Variants in CCNT1 observed in about 807,000 individuals in gnomAD.
CCNT1 encodes the protein cyclin T1, also known as cyclin-T1.
CCNT1 carries 18 observed loss-of-function variants against 67.3 expected under a neutral mutation model. The observed-to-expected ratio is 0.27, with a 90% confidence interval of 0.18 to 0.40. The LOEUF (loss-of-function observed/expected upper bound fraction) is 0.40, where lower values mean the gene tolerates loss of function less well. Among genes scored for constraint, CCNT1 ranks in the 10% least tolerant of loss-of-function variants. The probability of loss-of-function intolerance (pLI) is 1.00; values close to 1 mark genes in which losing one functional copy is unlikely to be tolerated. For synonymous variants in CCNT1, 333 were observed against 310.3 expected, an observed-to-expected ratio of 1.07 and a Z score of -0.77; for missense variants, 744 against 884.9, an observed-to-expected ratio of 0.84 and a Z score of 2.02.
chr12:48,716,468 C>G (rs777898725), intron 1 of CCNT1, 47 bp downstream of exon 1: 12 of 1,535,156 alleles, frequency 7.8e-6, no homozygotes, highest in Non-Finnish European at 1.1e-5. Flanking sequence ...GACGCCAGAG[C>G]ATGGCGGGAC....
chr12:48,706,757 ATT>A (rs1940366920), intron 2 of CCNT1, among the ~76,000 whole-genome samples: 1 of 152,180 alleles, frequency 6.6e-6, no homozygotes, highest in Non-Finnish European at 1.5e-5. Flanking sequence ...TTAAATATAT[ATT>A]TCATTTTACT....
At chr12:48,716,377 T>C in intron 1 of CCNT1, 138 bp downstream of exon 1, 2 of 754,498 alleles carry the variant, frequency 2.7e-6, no homozygotes, top group Non-Finnish European at 2.1e-6. Flanking sequence ...GCCCGCCCCA[T>C]CGTGGGCTCT....
Position 48,695,637 on chromosome 12 carries a change from T to C in CCNT1, c.777+122A>G, listed in dbSNP as rs951259570. On this transcript the variant is annotated intron_variant, in intron 8 of 8. Transcript: ENST00000261900. The stretch of plus-strand genomic sequence containing the variant: ...CCAAGGTATGAAGTAGAAGTCATGA[T>C]TACTGTGTAACTATAAAAAGGGCAA... 65 of 656,034 alleles carry C rather than the reference T, an allele frequency of 9.9e-5. No individual in the cohort carries two copies. The Admixed American group carries it at 1.6e-3, about 16-fold the overall frequency. 40.6% of individuals were successfully genotyped at this position (656,034 alleles called of 1,614,324 possible).
At chr12:48,700,231 A>C (rs1480225613) in intron 4 of CCNT1, among the ~76,000 whole-genome samples, 1 of 150,878 alleles carries the variant, frequency 6.6e-6, no homozygotes, top group Non-Finnish European at 1.5e-5. Context: ...AGGCAGGAGA[A>C]TGGCGTGCAC....
Position 48,689,388 on chromosome 12 carries a change from A to C in CCNT1, c.*3645T>G, listed in dbSNP as rs898172205. 2 of 152,204 alleles carry C rather than the reference A, an allele frequency of 1.3e-5. No individual in the cohort carries two copies. The highest frequency in any genetic ancestry group is 4.8e-5 in the African/African-American group (2 of 41,438). 9.4% of individuals were successfully genotyped at this position (152,204 alleles called of 1,614,324 possible). ...CACGGAGGGATAAAAAGACAAAATA[A>C]AACTTGACAGTGTGATACAACATGA... On this transcript the variant is annotated 3_prime_UTR_variant, in exon 9 of 9. Coordinates refer to ENST00000261900, the MANE Select transcript of CCNT1 (RefSeq NM_001240.4).
chr12:48,715,698 G>T, intron 1 of CCNT1, among the ~76,000 whole-genome samples: 1 of 151,980 alleles, frequency 6.6e-6, no homozygotes, highest in East Asian at 1.9e-4. Context: ...CCTGACCTCA[G>T]GTGATCCACC....
At chr12:48,712,595 T>TAAAAA (rs759919820) in intron 2 of CCNT1, among the ~76,000 whole-genome samples, 292 of 33,332 alleles carry the variant, frequency 8.8e-3, no homozygotes, top group Non-Finnish European at 0.01. Context: ...AAAAAAAAAA[T>TAAAAA]AAAAAAAAAA....
At chr12:48,710,703 C>G (rs1940435516) in intron 2 of CCNT1, among the ~76,000 whole-genome samples, 1 of 152,188 alleles carries the variant, frequency 6.6e-6, no homozygotes, top group African/African-American at 2.4e-5. Flanking sequence ...AATAAGTTTA[C>G]TGAAACTGCT....
chr12:48,714,338 T>G, intron 2 of CCNT1, 105 bp downstream of exon 2: 1 of 693,148 alleles, frequency 1.4e-6, no homozygotes, highest in Non-Finnish European at 2.6e-6. Context: ...AACCCTAAAT[T>G]CTAAAGTTCA....
Position 48,693,390 on chromosome 12 carries a change from A to G in CCNT1, c.1824T>C (p.Pro608=), listed in dbSNP as rs761978345. The change falls in exon 9 of 9, where the codon CCT becomes CCC. Residue 608 remains proline, a synonymous_variant. Coordinates refer to ENST00000261900, the MANE Select transcript of CCNT1 (RefSeq NM_001240.4). ...TATGCCCAGGCATCTGACCCATTGTAGGAAGTGAAGGGAAGGAGAAATTTA... is the reference window on the plus strand; with the variant it reads ...TATGCCCAGGCATCTGACCCATTGTGGGAAGTGAAGGGAAGGAGAAATTTA... The part of the protein sequence containing the change: ...SSLNFSFPSL[P]TMGQMPGHSS... 12 of 1,614,240 alleles carry G rather than the reference A, an allele frequency of 7.4e-6. No homozygotes were observed. Among genetic ancestry groups the G allele is most frequent in the Non-Finnish European group, 1.0e-5 (12 of 1,180,038 alleles).
chr12:48,702,393 A>ATAGCCAC (rs1260975168), intron 3 of CCNT1, among the ~76,000 whole-genome samples: 1 of 152,378 alleles, frequency 6.6e-6, no homozygotes, highest in South Asian at 2.1e-4. Flanking sequence ...AGCCAAAGCT[A>ATAGCCAC]TAGCCACTAG....
chr12:48,698,115 GAAA>G lies in CCNT1; in HGVS notation c.542+20_542+22del. The G allele has an allele frequency of 7.6e-7, 1 of 1,311,944 alleles. No homozygotes were observed. The highest frequency in any genetic ancestry group is 2.6e-5 in the Admixed American group (1 of 38,292). 81.3% of individuals were successfully genotyped at this position (1,311,944 alleles called of 1,614,324 possible). A position where few individuals can be genotyped will look rare whatever the true frequency, so the allele number is the denominator to read the frequency against. ...AAAGTCCTATACCAAAAATCGAAGAGAAAAAAAAATTAAAATATAAACCTGTTG... is the reference window on the plus strand; with the variant it reads ...AAAGTCCTATACCAAAAATCGAAGAGAAAAAATTAAAATATAAACCTGTTG... On this transcript the variant is annotated intron_variant, in intron 6 of 8. Coordinates refer to ENST00000261900, the MANE Select transcript of CCNT1 (RefSeq NM_001240.4).
intron 6 of CCNT1, chr12:48,697,839 TAAAA>T (rs763770731): frequency 0.042 from 4,840 of 116,194 alleles, 134 homozygotes; most frequent in Middle Eastern, 0.071. Context: ...AATAATAATT[TAAAA>T]AAAAAAAAAA....
chr12:48,709,817 T>A (rs2137241727), intron 2 of CCNT1, among the ~76,000 whole-genome samples: 1 of 152,212 alleles, frequency 6.6e-6, no homozygotes, highest in Non-Finnish European at 1.5e-5. Flanking sequence ...TACAGAGTAG[T>A]TTTCACTTTC....
In CCNT1 at chr12:48,690,489, A is replaced by T. The variant is rs1224668881; in HGVS notation, c.*2544T>A. 1 of 152,320 alleles carries T rather than the reference A, an allele frequency of 6.6e-6. No homozygotes were observed. The highest frequency in any genetic ancestry group is 6.5e-5 in the Admixed American group (1 of 15,276). The allele number at this position is 152,320 out of a possible 1,614,324, so 9.4% of individuals were successfully genotyped here. ...TGACAGGCACATCTGTTAACCCAAA[A>T]ACAAAGCAGCAGCTTCATGCAGAGC... is the stretch of plus-strand genomic sequence containing the variant. On this transcript the variant is annotated 3_prime_UTR_variant, in exon 9 of 9. Transcript: ENST00000261900.
intron 3 of CCNT1, 168 bp downstream of exon 3, chr12:48,705,600 C>A: frequency 1.6e-6 from 1 of 631,640 alleles, no homozygotes; most frequent in South Asian, 2.1e-5. Context: ...TTAAGAAAAA[C>A]ACAAACACTA....
intron 2 of CCNT1, among the ~76,000 whole-genome samples, chr12:48,709,595 A>G (rs1162664053): frequency 6.6e-6 from 1 of 152,234 alleles, no homozygotes; most frequent in Non-Finnish European, 1.5e-5. Context: ...CATGTGGCAA[A>G]TTAAAATAAT....
intron 3 of CCNT1, among the ~76,000 whole-genome samples, chr12:48,702,208 A>T (rs1368361597): frequency 1.3e-5 from 2 of 152,194 alleles, no homozygotes; most frequent in African/African-American, 2.4e-5. Context: ...TAAAGTATAT[A>T]TTTTTCAACA....
intron 3 of CCNT1, among the ~76,000 whole-genome samples, chr12:48,701,921 G>A (rs1248058444): frequency 7.0e-6 from 1 of 143,546 alleles, no homozygotes; most frequent in Admixed American, 7.1e-5. Context: ...TTTTGAGAGG[G>A]AGTCTCGCTC....
Sources: allele counts gnomAD v4.1 joint callset (sites outside exome capture counted in the v4.1 genomes callset), GRCh38; gene constraint gnomAD v4.1.1; transcripts MANE v1.5; gene names NCBI Gene and HGNC (gene_info 2026-07-23, HGNC 2026-07-21).